The following MYO1A variants were observed in gnomAD, a reference collection of about 807,000 sequenced individuals.
MYO1A encodes unconventional myosin-Ia.
A neutral mutation model predicts 138.5 loss-of-function variants in MYO1A; 127 were observed. The observed-to-expected ratio is 0.92, with a 90% confidence interval of 0.79 to 1.06. MYO1A has a LOEUF of 1.06. Ranked by LOEUF, MYO1A falls within the 50% of genes least tolerant of loss-of-function variation. The pLI is 0.00. For missense variants in MYO1A, 1,211 were observed against 1,288.8 expected, an observed-to-expected ratio of 0.94 and a Z score of 0.92; for synonymous variants, 477 against 497.5, an observed-to-expected ratio of 0.96 and a Z score of 0.55.
chr12:57,037,215 A>T (rs755582214), intron 19 of MYO1A, 124 bp from the exon 20 acceptor site: 54 of 1,236,912 alleles, frequency 4.4e-5, no homozygotes, highest in Non-Finnish European at 6.1e-5. Flanking sequence ...TTGTCTTCTT[A>T]GTTTGCTCAT....
At chr12:57,047,877 A>C (rs1420221785) in intron 3 of MYO1A, 112 bp downstream of exon 3, 1 of 1,559,440 alleles carries the variant, frequency 6.4e-7, no homozygotes, top group Non-Finnish European at 8.7e-7. Context: ...AAGGCCAGGG[A>C]AGGAAGGGGC....
chr12:57,031,292 G>C (rs2030275094), intron 22 of MYO1A, 118 bp from the exon 23 acceptor site: 3 of 1,287,282 alleles, frequency 2.3e-6, no homozygotes, highest in East Asian at 2.3e-5. Context: ...GAGAAGCAAG[G>C]GGTGGAGCTG....
intron 22 of MYO1A, 133 bp from the exon 23 acceptor site, chr12:57,031,307 G>GGTGACTCCCTTCCATCTCTTC: frequency 8.9e-7 from 1 of 1,117,940 alleles, no homozygotes; most frequent in Non-Finnish European, 1.3e-6. Flanking sequence ...GAGCTGAAGA[G>GGTGACTCCCTTCCATCTCTTC]ATGGAAGGGA....
rs200450661 is a variant in MYO1A at position 57,037,902 on chromosome 12, C to T, written c.1928G>A (p.Arg643Gln). Residue 643 changes from arginine to glutamine, a missense_variant, in exon 18 of 28, where the codon CGG becomes CAG. Physicochemically the swap from Arg to Gln is conservative, Grantham distance 43. Transcript: ENST00000300119. Reference sequence around the variant, plus strand: ...CCCATTCCAGTGAGGCCAGGTGCTCCGGCTCAGCAATCGGTACCTTTCCAG... The same window carrying T: ...CCCATTCCAGTGAGGCCAGGTGCTCTGGCTCAGCAATCGGTACCTTTCCAG... Reference protein sequence around the residue: ...PFLERYRLLSRSTWPHWNGGD... With the variant: ...PFLERYRLLSQSTWPHWNGGD... 65 of 1,614,152 alleles carry T rather than the reference C, an allele frequency of 4.0e-5. No individual in the cohort carries two copies. The Middle Eastern group carries it at 5.0e-4, about 12-fold the overall frequency.
At position 57,039,211 on chromosome 12, in the gene MYO1A, C is replaced by T. The variant is rs1237206006; in HGVS notation, c.1332+1G>A. 2 of 1,613,778 alleles carry T rather than the reference C, an allele frequency of 1.2e-6. No individual in the cohort carries two copies. Among genetic ancestry groups the T allele is most frequent in the African/African-American group, 1.3e-5 (1 of 74,930 alleles). On this transcript the variant is annotated splice_donor_variant, in intron 15 of 27. Coordinates refer to ENST00000300119, the MANE Select transcript of MYO1A (RefSeq NM_005379.4). LOFTEE classifies it high-confidence loss of function. ...CCACAGATAAGAGAATGACAACTCA[C>T]ATGCTCAATGAGCTTACAAATGATG...
chr12:57,043,262 A>G lies in MYO1A; in HGVS notation c.989T>C (p.Val330Ala). 3.1e-6 allele frequency: 5 copies of G among 1,614,176 alleles called. No individual in the cohort carries two copies. Among genetic ancestry groups the G allele is most frequent in the Non-Finnish European group, 4.2e-6 (5 of 1,180,008 alleles). ...TACCTGCATAACATTCAGTGCAGTG[A>G]CCACCTTTTCCTTGGCTGTTTCCAT... ...RTMETAKEKV[V>A]TALNVMQAQY... Residue 330 changes from valine (V) to alanine (A), a missense_variant, in exon 11 of 28, where the codon GTC becomes GCC. Val to Ala is a moderately conservative substitution (Grantham distance 64, BLOSUM62 0). Coordinates refer to ENST00000300119, the MANE Select transcript of MYO1A (RefSeq NM_005379.4).
rs1272166320 is a variant in MYO1A at position 57,028,607 on chromosome 12, G to T, written c.*148C>A. The T allele has an allele frequency of 6.5e-6, 7 of 1,074,232 alleles. No individual in the cohort carries two copies. Among genetic ancestry groups the T allele is most frequent in the African/African-American group, 4.7e-5 (3 of 63,346 alleles). The allele number at this position is 1,074,232 out of a possible 1,614,324, so 66.5% of individuals were successfully genotyped here. ...TTGGAGGAGAGAACAAGAAGGGTTT[G>T]GGACAAGGGTCCTCTTCAAGGGTAG... On this transcript the variant is annotated 3_prime_UTR_variant, in exon 28 of 28. Coordinates refer to ENST00000300119, the MANE Select transcript of MYO1A (RefSeq NM_005379.4).
chr12:57,047,020 C>T, intron 6 of MYO1A, 41 bp downstream of exon 6: 3 of 1,613,306 alleles, frequency 1.9e-6, no homozygotes, highest in Non-Finnish European at 2.5e-6. Context: ...CCTCTTAAGC[C>T]CCCACATCCT....
rs1592468553 is a variant in MYO1A at position 57,030,068 on chromosome 12, C to T, written c.2591+142G>A. 3.3e-6 allele frequency: 4 copies of T among 1,218,546 alleles called. No homozygotes were observed. The East Asian group carries it at 9.9e-5, about 30-fold the overall frequency. 75.5% of individuals were successfully genotyped at this position (1,218,546 alleles called of 1,614,324 possible). The stretch of plus-strand genomic sequence containing the variant: ...TAGAAAGGCAAATTTTGGTCCTCAC[C>T]CCAAGACCTGCTGGATCAGAGACTC... On this transcript the variant is annotated intron_variant, in intron 24 of 27. Coordinates refer to ENST00000300119, the MANE Select transcript of MYO1A (RefSeq NM_005379.4).
At chr12:57,036,527 G>A in intron 21 of MYO1A, 146 bp from the exon 22 acceptor site, 1 of 986,632 alleles carries the variant, frequency 1.0e-6, no homozygotes, top group Non-Finnish European at 1.6e-6. Context: ...AGACAAGTTG[G>A]CAGTGAGGAC....
At chr12:57,030,078 G>T in intron 24 of MYO1A, 132 bp downstream of exon 24, 1 of 1,211,710 alleles carries the variant, frequency 8.3e-7, no homozygotes, top group Non-Finnish European at 1.2e-6. Context: ...CCCAAGACCT[G>T]CTGGATCAGA....
chr12:57,029,399 C>T (rs535560497), intron 26 of MYO1A, 36 bp downstream of exon 26: 1 of 1,614,036 alleles, frequency 6.2e-7, no homozygotes, highest in East Asian at 2.2e-5. Flanking sequence ...ATACCACCTT[C>T]TCCAGTCCAA....
chr12:57,039,059 T>G, intron 15 of MYO1A, 50 bp from the exon 16 acceptor site: 2 of 1,591,310 alleles, frequency 1.3e-6, no homozygotes, highest in South Asian at 2.2e-5. Context: ...TCCTCCGAGA[T>G]GTCCACGTTC....
At chr12:57,041,651 C>T (rs546575609) in intron 12 of MYO1A, among the ~76,000 whole-genome samples, 154 bp from the exon 13 acceptor site, 3 of 152,220 alleles carry the variant, frequency 2.0e-5, no homozygotes, top group Non-Finnish European at 2.9e-5. Context: ...ACTCTCCCTC[C>T]TCCACACACT....
At chr12:57,034,535 G>T (rs1284208704) in intron 22 of MYO1A, among the ~76,000 whole-genome samples, 1 of 151,954 alleles carries the variant, frequency 6.6e-6, no homozygotes, top group East Asian at 1.9e-4. Flanking sequence ...TTAGCCAGGC[G>T]TGGTGGCATG....
rs763758156 is a variant in MYO1A at position 57,047,424 on chromosome 12, C to T, written c.326-17G>A. 1 of 1,611,626 alleles carries T rather than the reference C, an allele frequency of 6.2e-7. No homozygotes were observed. The highest frequency in any genetic ancestry group is 2.2e-5 in the East Asian group (1 of 44,852). ...TGCTGGCCTCTGTGCAGGCAAAACGCTCTCATGGGTCCCCACCCAGGACTA... is the reference window on the plus strand; with the variant it reads ...TGCTGGCCTCTGTGCAGGCAAAACGTTCTCATGGGTCCCCACCCAGGACTA... On this transcript the variant is annotated splice_polypyrimidine_tract_variant and intron_variant, in intron 4 of 27. Coordinates refer to ENST00000300119, the MANE Select transcript of MYO1A (RefSeq NM_005379.4).
chr12:57,047,950 C>T (rs772399563), intron 3 of MYO1A, 39 bp downstream of exon 3: 1 of 1,593,608 alleles, frequency 6.3e-7, no homozygotes. Flanking sequence ...TGTCAAGAAG[C>T]TGGGGCCCTG....
At chr12:57,037,813 A>C (rs1014960643) in intron 18 of MYO1A, 56 bp downstream of exon 18, 156 of 1,572,530 alleles carry the variant, frequency 9.9e-5, no homozygotes, top group East Asian at 1.1e-4. Flanking sequence ...CTCTTCCCCC[A>C]GAGATGTTTC....
In MYO1A at chr12:57,043,283, T is replaced by C. The variant is rs750966596; in HGVS notation, c.968A>G (p.Glu323Gly). 3 of 1,614,184 alleles carry C rather than the reference T, an allele frequency of 1.9e-6. 1 individual carries two copies. In the South Asian group the frequency reaches 3.3e-5, roughly 18 times the overall value. The change falls in exon 11 of 28, where the codon GAA becomes GGA. Residue 323 changes from glutamate (E) to glycine (G), a missense_variant. Physicochemically the swap from Glu to Gly is moderately conservative, Grantham distance 98. Coordinates refer to ENST00000300119, the MANE Select transcript of MYO1A (RefSeq NM_005379.4). ...AGTGACCACCTTTTCCTTGGCTGTT[T>C]CCATGGTCCTCGAGCACAAAGCTCT... ...VERALCSRTMETAKEKVVTAL... is the reference protein window; with the variant it reads ...VERALCSRTMGTAKEKVVTAL...
Sources: gnomAD v4.1 joint callset for allele counts (sites outside exome capture counted in the v4.1 genomes callset) on GRCh38, gnomAD v4.1.1 for gene constraint, MANE v1.5 for transcripts, NCBI Gene and HGNC (gene_info 2026-07-23, HGNC 2026-07-21) for gene names.